Variants in PDK4 observed in about 807,000 individuals in gnomAD.
PDK4 encodes pyruvate dehydrogenase kinase 4, also known as pyruvate dehydrogenase kinase, isozyme 4.
In PDK4, 43 loss-of-function variants were observed where a neutral mutation model predicts 51.7. The ratio of observed to expected loss-of-function variants is 0.83; its 90% CI spans 0.65 to 1.07. The LOEUF is 1.07. Among genes scored for constraint, PDK4 ranks in the 50% least tolerant of loss-of-function variants. PDK4 has a pLI of 0.00. For missense variants in PDK4, 498 were observed against 503.5 expected (o/e 0.99, Z 0.10); for synonymous variants, 170 against 176.6 (o/e 0.96, Z 0.30).
chr7:95,591,096 C>G (rs1214514977), intron 6 of PDK4, among the ~76,000 whole-genome samples: 1 of 152,074 alleles, frequency 6.6e-6, no homozygotes, highest in Non-Finnish European at 1.5e-5. Flanking sequence ...TGCCACCATG[C>G]CTGGCTAATT....
chr7:95,588,776 T>A (rs1485548113), intron 7 of PDK4, among the ~76,000 whole-genome samples: 1 of 152,218 alleles, frequency 6.6e-6, no homozygotes, highest in African/African-American at 2.4e-5. Context: ...TATTTTTTGG[T>A]TTAAGTTCAA....
intron 1 of PDK4, among the ~76,000 whole-genome samples, chr7:95,595,524 T>TGGG (rs1791608578): frequency 6.6e-6 from 1 of 151,986 alleles, no homozygotes; most frequent in East Asian, 1.9e-4. Context: ...CTTTAATGAG[T>TGGG]GGGGACATGG....
intron 7 of PDK4, 57 bp from the exon 8 acceptor site, chr7:95,587,882 GT>G (rs59642242): frequency 0.036 from 29,796 of 824,116 alleles, 288 homozygotes; most frequent in African/African-American, 0.072. Context: ...GACAATAAAT[GT>G]TTTTTTTTTT....
intron 7 of PDK4, among the ~76,000 whole-genome samples, chr7:95,588,112 A>G (rs1416102343): frequency 1.3e-5 from 2 of 152,198 alleles, no homozygotes; most frequent in African/African-American, 2.4e-5. Context: ...ATTTAAATGT[A>G]GAAATTGGTT....
intron 6 of PDK4, among the ~76,000 whole-genome samples, chr7:95,591,533 T>G (rs1791552754): frequency 6.6e-6 from 1 of 152,198 alleles, no homozygotes; most frequent in Non-Finnish European, 1.5e-5. Flanking sequence ...TGTGACCATT[T>G]TATACATCTC....
chr7:95,589,045 C>G lies in PDK4; in HGVS notation c.771+595G>C, dbSNP rs10226786. Among the ~76,000 whole-genome samples the G allele has an allele frequency of 8.8e-3, 1,344 of 152,338 alleles. 22 individuals are homozygous for G. Among genetic ancestry groups the G allele is most frequent in the African/African-American group, 0.031 (1,287 of 41,574 alleles). ...AGGCAAAGTGTGCATTGTGGACCAG[C>G]AGCATCACCCCTTAGCTTATTCAAA... is the stretch of plus-strand genomic sequence containing the variant. On this transcript the variant is annotated intron_variant, in intron 7 of 10. Coordinates refer to ENST00000005178, the MANE Select transcript of PDK4 (RefSeq NM_002612.4).
chr7:95,586,732 C>T (rs1186294822), intron 10 of PDK4: 4 of 277,526 alleles, frequency 1.4e-5, no homozygotes, highest in African/African-American at 6.5e-5. Flanking sequence ...AAAAAATTCA[C>T]ATGAACATGT....
At chr7:95,593,472 C>G (rs1237681329) in intron 3 of PDK4, among the ~76,000 whole-genome samples, 1 of 152,070 alleles carries the variant, frequency 6.6e-6, no homozygotes, top group Non-Finnish European at 1.5e-5. Context: ...ATAGGTCTCC[C>G]TGGGGGATCA....
intron 5 of PDK4, among the ~76,000 whole-genome samples, 199 bp downstream of exon 5, chr7:95,592,312 A>G (rs1462278361): frequency 6.6e-6 from 1 of 152,144 alleles, no homozygotes; most frequent in Non-Finnish European, 1.5e-5. Flanking sequence ...AGTCACTTAT[A>G]TTTGGATTTT....
chr7:95,589,846 C>G, intron 6 of PDK4, 130 bp from the exon 7 acceptor site: 1 of 616,928 alleles, frequency 1.6e-6, no homozygotes, highest in Non-Finnish European at 2.9e-6. Flanking sequence ...TCCCCAAATC[C>G]TGCCCTAGAA....
At chr7:95,587,863 G>A in intron 7 of PDK4, 38 bp from the exon 8 acceptor site, 2 of 1,219,626 alleles carry the variant, frequency 1.6e-6, no homozygotes, top group Non-Finnish European at 2.4e-6. Flanking sequence ...CAATGGCAGA[G>A]GAATGAGGGA....
chr7:95,589,056 C>T (rs1299524501), intron 7 of PDK4, among the ~76,000 whole-genome samples: 1 of 152,218 alleles, frequency 6.6e-6, no homozygotes, highest in Non-Finnish European at 1.5e-5. Context: ...AGCATCACCC[C>T]TTAGCTTATT....
chr7:95,592,860 A>T lies in PDK4; in HGVS notation c.429T>A (p.Asp143Glu), dbSNP rs1791569305. The change falls in exon 4 of 11, where the codon GAT becomes GAA. Residue 143 changes from aspartate to glutamate, a missense_variant. Coordinates refer to ENST00000005178, the MANE Select transcript of PDK4 (RefSeq NM_002612.4). ...TGGTGACTGGGTCAACTGTACAGGC[A>T]TCTTTATACTCTATGATTCCTTGTG... is the stretch of plus-strand genomic sequence containing the variant. ...TMAQGIIEYK[D>E]ACTVDPVTNQ... is the part of the protein sequence containing the mutation. 2 of 1,612,044 alleles carry T rather than the reference A, an allele frequency of 1.2e-6. No homozygotes were observed. Among genetic ancestry groups the T allele is most frequent in the Middle Eastern group, 1.7e-4 (1 of 6,056 alleles).
intron 7 of PDK4, among the ~76,000 whole-genome samples, chr7:95,588,136 T>C (rs1472774681): frequency 1.3e-5 from 2 of 152,200 alleles, no homozygotes. Flanking sequence ...ATAGTCCATT[T>C]CCTAGCTCTC....
rs555387007 is a variant in PDK4, at chr7:95,584,284, G to A, written c.*1357C>T. 1 of 150,818 alleles carries A rather than the reference G, an allele frequency of 6.6e-6. No individual in the cohort carries two copies. Among genetic ancestry groups the A allele is most frequent in the Non-Finnish European group, 1.5e-5 (1 of 67,982 alleles). The allele number at this position is 150,818 out of a possible 1,614,324, so 9.3% of individuals were successfully genotyped here. ...GATTTTTTTTGAAATAATTTGTGGGGAAAATAGAAAAATGCCTGCCTTCTG... is the reference window on the plus strand; with the variant it reads ...GATTTTTTTTGAAATAATTTGTGGGAAAAATAGAAAAATGCCTGCCTTCTG... On this transcript the variant is annotated 3_prime_UTR_variant, in exon 11 of 11. Transcript: ENST00000005178.
At position 95,591,987 on chromosome 7, in the gene PDK4, C is replaced by T; in HGVS notation, c.694+1G>A. The T allele has an allele frequency of 7.1e-7, 1 of 1,417,024 alleles. No homozygotes were observed. Among genetic ancestry groups the T allele is most frequent in the African/African-American group, 1.5e-5 (1 of 68,934 alleles). The allele number at this position is 1,417,024 out of a possible 1,614,324, so 87.8% of individuals were successfully genotyped here. On this transcript the variant is annotated splice_donor_variant, in intron 6 of 10. Coordinates refer to ENST00000005178, the MANE Select transcript of PDK4 (RefSeq NM_002612.4). LOFTEE classifies it high-confidence loss of function. ...TAAAATATATTTTACTTATAACTTA[C>T]CATTCACTTGTGTAAGCTTTAATTC...
In PDK4 at chr7:95,587,041, C is replaced by G. The variant is rs1791490885; in HGVS notation, c.1064G>C (p.Gly355Ala). The G allele has an allele frequency of 6.2e-7, 1 of 1,601,346 alleles. No homozygotes were observed. The highest frequency in any genetic ancestry group is 1.3e-5 in the African/African-American group (1 of 74,592). ...GTAGATGATAGCATCTGTTCCATAT[C>G]CTGATAAAGAGTAGAGATTCAGATC... is the stretch of plus-strand genomic sequence containing the variant. Reference protein sequence around the residue: ...QGDLNLYSLSGYGTDAIIYLK... With the variant: ...QGDLNLYSLSAYGTDAIIYLK... Residue 355 changes from glycine (G) to alanine (A), a missense_variant, in exon 10 of 11, where the codon GGA becomes GCA. Physicochemically the swap from Gly to Ala is moderately conservative, Grantham distance 60. Coordinates refer to ENST00000005178, the MANE Select transcript of PDK4 (RefSeq NM_002612.4).
chr7:95,587,385 C>T (rs17626204), intron 9 of PDK4, 33 bp downstream of exon 9: 40,661 of 1,263,002 alleles, frequency 0.032, 815 homozygotes, highest in Non-Finnish European at 0.039. Context: ...AACTAGGTGG[C>T]TGAGATTAAT....
chr7:95,587,174 T>C (rs774700038), intron 9 of PDK4, 51 bp from the exon 10 acceptor site: 2 of 1,089,850 alleles, frequency 1.8e-6, no homozygotes, highest in Admixed American at 1.8e-5. Context: ...ATCACTGAAA[T>C]ACAAACAAGC....
Sources: allele counts gnomAD v4.1 joint callset (sites outside exome capture counted in the v4.1 genomes callset), GRCh38; gene constraint gnomAD v4.1.1; transcripts MANE v1.5; gene names NCBI Gene and HGNC (gene_info 2026-07-23, HGNC 2026-07-21).